The following PCDH11Y variants were observed in gnomAD, a reference collection of about 807,000 sequenced individuals.
PCDH11Y encodes protocadherin-11 Y-linked.
For missense variants in PCDH11Y, 12 were observed against 224.8 expected (o/e 0.05, Z 6.05); for synonymous variants, 9 against 83.6 (o/e 0.11, Z 4.87).
intron 4 of PCDH11Y, among the ~76,000 whole-genome samples, chrY:5,676,216 G>T: frequency 2.8e-4 from 9 of 32,693 alleles, no homozygotes; most frequent in Admixed American, 8.3e-4. Flanking sequence ...TTAGCTGTAT[G>T]TTGACCTCTT....
intron 2 of PCDH11Y, among the ~76,000 whole-genome samples, chrY:5,306,571 C>G (rs1183331240): frequency 7.5e-4 from 24 of 32,060 alleles, no homozygotes; most frequent in Non-Finnish European, 1.7e-3. Flanking sequence ...CAACAATACT[C>G]TGGGGTAGGT....
intron 2 of PCDH11Y, among the ~76,000 whole-genome samples, chrY:5,265,057 CTGT>C (rs2053023902): frequency 1.2e-4 from 4 of 32,643 alleles, no homozygotes; most frequent in Non-Finnish European, 3.0e-4. Context: ...CCTCCAGTCG[CTGT>C]TGTTTCTCTC....
intron 1 of PCDH11Y, among the ~76,000 whole-genome samples, chrY:5,076,434 C>T (rs2052709128): frequency 3.0e-5 from 1 of 32,896 alleles, no homozygotes; most frequent in African/African-American, 1.2e-4. Context: ...ATCCCATTTG[C>T]CCATTTTTGC....
chrY:5,476,466 AAT>A (rs2053319221), intron 2 of PCDH11Y, among the ~76,000 whole-genome samples: 3 of 24,020 alleles, frequency 1.2e-4, no homozygotes, highest in African/African-American at 3.4e-4. Flanking sequence ...AAAAAAAAAA[AAT>A]TTCTTTCTTT....
intron 4 of PCDH11Y, among the ~76,000 whole-genome samples, chrY:5,642,969 G>T (rs2053524152): frequency 3.0e-5 from 1 of 33,093 alleles, no homozygotes; most frequent in Non-Finnish European, 7.5e-5. Context: ...CTGGTAGTTC[G>T]CATTGTCATG....
chrY:5,062,679 G>A, intron 1 of PCDH11Y, among the ~76,000 whole-genome samples: 1 of 33,072 alleles, frequency 3.0e-5, no homozygotes, highest in East Asian at 7.9e-4. Context: ...AGTGTTCATC[G>A]TCCACTAATG....
intron 1 of PCDH11Y, among the ~76,000 whole-genome samples, chrY:5,090,038 A>G (rs2052738072): frequency 3.0e-5 from 1 of 33,381 alleles, no homozygotes; most frequent in Non-Finnish European, 7.4e-5. Flanking sequence ...GACTTCCTTT[A>G]CCTGAGGTTT....
chrY:5,306,699 A>AAAG (rs2053091241), intron 2 of PCDH11Y, among the ~76,000 whole-genome samples: 1 of 33,057 alleles, frequency 3.0e-5, no homozygotes, highest in Admixed American at 2.8e-4. Context: ...ACCCAGGCCT[A>AAAG]CCTGACACCA....
At chrY:5,068,542 CTGTG>C (rs3067360) in intron 1 of PCDH11Y, among the ~76,000 whole-genome samples, 43 of 21,785 alleles carry the variant, frequency 2.0e-3, no homozygotes, top group East Asian at 6.1e-3. Context: ...TTTGTGTCCT[CTGTG>C]TGTGTGTGTG....
chrY:5,592,378 T>G, intron 4 of PCDH11Y, among the ~76,000 whole-genome samples: 1 of 30,269 alleles, frequency 3.3e-5, no homozygotes, highest in Non-Finnish European at 7.9e-5. Context: ...TTGTATATTT[T>G]TTTCTATTCC....
intron 3 of PCDH11Y, among the ~76,000 whole-genome samples, chrY:5,508,162 CTT>C (rs2053360768): frequency 6.0e-5 from 2 of 33,203 alleles, no homozygotes; most frequent in Admixed American, 5.6e-4. Flanking sequence ...CCCCATGACA[CTT>C]TTAAAATTGG....
At chrY:5,726,790 G>A in intron 4 of PCDH11Y, among the ~76,000 whole-genome samples, 1 of 33,098 alleles carries the variant, frequency 3.0e-5, no homozygotes, top group Non-Finnish European at 7.5e-5. Context: ...ATTTCAGGCT[G>A]CCAGATAAAT....
At chrY:5,412,495 C>G in intron 2 of PCDH11Y, among the ~76,000 whole-genome samples, 1 of 32,828 alleles carries the variant, frequency 3.0e-5, no homozygotes, top group Non-Finnish European at 7.5e-5. Flanking sequence ...AGAGAGAGAG[C>G]ATTATTTTCT....
intron 3 of PCDH11Y, among the ~76,000 whole-genome samples, chrY:5,519,883 C>G: frequency 4.2e-5 from 1 of 23,572 alleles, no homozygotes; most frequent in Admixed American, 4.2e-4. Flanking sequence ...GATTACCATT[C>G]TGCCATGATT....
At chrY:5,477,092 G>T (rs1602931146) in intron 2 of PCDH11Y, among the ~76,000 whole-genome samples, 1 of 32,586 alleles carries the variant, frequency 3.1e-5, no homozygotes, top group East Asian at 8.3e-4. Flanking sequence ...TTTATACCAG[G>T]ATTGCCACAA....
intron 3 of PCDH11Y, among the ~76,000 whole-genome samples, chrY:5,534,951 G>C: frequency 1.5e-4 from 5 of 33,543 alleles, no homozygotes; most frequent in Non-Finnish European, 2.9e-4. Flanking sequence ...GTCTTATTTT[G>C]AAAAGTATTT....
At chrY:5,294,693 T>C (rs2053071293) in intron 2 of PCDH11Y, among the ~76,000 whole-genome samples, 34 of 33,457 alleles carry the variant, frequency 1.0e-3, no homozygotes, top group African/African-American at 3.6e-3. Flanking sequence ...TTATGTCTTA[T>C]TTTGCTGTGT....
intron 2 of PCDH11Y, among the ~76,000 whole-genome samples, chrY:5,215,591 A>G (rs2052944839): frequency 3.3e-5 from 1 of 30,549 alleles, no homozygotes; most frequent in Non-Finnish European, 7.8e-5. Context: ...CTAGCTTAAG[A>G]TGGGAGCTCT....
chrY:5,148,851 G>A, intron 2 of PCDH11Y, among the ~76,000 whole-genome samples: 1 of 32,371 alleles, frequency 3.1e-5, no homozygotes, highest in African/African-American at 1.2e-4. Flanking sequence ...CTCAAAGTAC[G>A]GTTTCTACTG....
Sources: gnomAD v4.1 joint callset for allele counts (sites outside exome capture counted in the v4.1 genomes callset) on GRCh38, gnomAD v4.1.1 for gene constraint, MANE v1.5 for transcripts, NCBI Gene and HGNC (gene_info 2026-07-23, HGNC 2026-07-21) for gene names.